Variants in TAFA2 observed in about 807,000 individuals in gnomAD.
The protein encoded by TAFA2 is chemokine-like protein TAFA-2.
TAFA2 carries 7 observed loss-of-function variants against 18.8 expected under a neutral mutation model. The ratio of observed to expected loss-of-function variants is 0.37; its 90% confidence interval spans 0.21 to 0.70. The LOEUF is 0.70. Ranked by LOEUF, TAFA2 falls within the 30% of genes least tolerant of loss-of-function variation. TAFA2 has a pLI of 0.53. For synonymous variants in TAFA2, 60 were observed against 54.2 expected, an observed-to-expected ratio of 1.11 and a Z score of -0.47; for missense variants, 122 against 158.1, an observed-to-expected ratio of 0.77 and a Z score of 1.23.
intron 1 of TAFA2, among the ~76,000 whole-genome samples, chr12:62,054,112 C>A (rs1882125763): frequency 6.6e-6 from 1 of 152,198 alleles, no homozygotes; most frequent in Non-Finnish European, 1.5e-5. Flanking sequence ...CTTCCAGTGA[C>A]TAACAGTGGA....
At chr12:62,032,835 A>T (rs76553537) in intron 1 of TAFA2, among the ~76,000 whole-genome samples, 10,427 of 152,268 alleles carry the variant, frequency 0.068, 459 homozygotes, top group Non-Finnish European at 0.11. Context: ...ATATTTTTCT[A>T]CTTATCTAAA....
chr12:61,938,333 A>C (rs1565688239), intron 1 of TAFA2, among the ~76,000 whole-genome samples: 1 of 151,990 alleles, frequency 6.6e-6, no homozygotes, highest in East Asian at 1.9e-4. Context: ...TTTTTTTAAA[A>C]CCTTTATTTT....
chr12:61,955,665 A>ATATATATATATATT (rs1200280189), intron 1 of TAFA2, among the ~76,000 whole-genome samples: 10 of 120,438 alleles, frequency 8.3e-5, no homozygotes, highest in African/African-American at 3.1e-4. Context: ...ATATATATAT[A>ATATATATATATATT]TATATTTAAT....
intron 1 of TAFA2, among the ~76,000 whole-genome samples, chr12:61,982,075 T>C (rs901047636): frequency 3.9e-5 from 6 of 152,002 alleles, no homozygotes; most frequent in African/African-American, 1.5e-4. Context: ...ATTAAGAAAA[T>C]GTGGCACATA....
chr12:62,132,526 T>A (rs898349477), intron 1 of TAFA2, among the ~76,000 whole-genome samples: 2 of 152,010 alleles, frequency 1.3e-5, no homozygotes, highest in African/African-American at 2.4e-5. Flanking sequence ...TAAATTTTTT[T>A]AATAAATACA....
At chr12:61,753,048 G>A (rs1351308636) in intron 4 of TAFA2, among the ~76,000 whole-genome samples, 5 of 151,710 alleles carry the variant, frequency 3.3e-5, no homozygotes, top group African/African-American at 1.2e-4. Context: ...TTACAAAGCT[G>A]AAATACATCA....
chr12:61,948,815 A>C lies in TAFA2; in HGVS notation c.-1-81389T>G, dbSNP rs1488892600. On this transcript the variant is annotated intron_variant, in intron 1 of 4. Transcript: ENST00000416284. ...AACAACAGTGACACCTCAGCGTCTT[A>C]GCTCTAGAGCCCATGCTCCATTACA... Among the ~76,000 whole-genome samples, 3 of 152,320 alleles carry C rather than the reference A, an allele frequency of 2.0e-5. No homozygotes were observed. In the East Asian group the frequency reaches 5.8e-4, roughly 29 times the overall value.
intron 1 of TAFA2, among the ~76,000 whole-genome samples, chr12:62,178,164 G>T (rs984699108): frequency 6.6e-6 from 1 of 152,128 alleles, no homozygotes; most frequent in Non-Finnish European, 1.5e-5. Context: ...GCCAGGCATG[G>T]TGGTGCAAGT....
chr12:62,236,559 C>G (rs1373613321), intron 1 of TAFA2, among the ~76,000 whole-genome samples: 1 of 152,190 alleles, frequency 6.6e-6, no homozygotes, highest in Non-Finnish European at 1.5e-5. Flanking sequence ...GCCACCGCAC[C>G]CAGCCCAAAT....
intron 1 of TAFA2, among the ~76,000 whole-genome samples, chr12:62,007,861 A>G (rs1880609540): frequency 6.6e-6 from 1 of 152,272 alleles, no homozygotes; most frequent in Non-Finnish European, 1.5e-5. Flanking sequence ...TCTCTCTTCT[A>G]GTTATTTTAA....
At chr12:61,737,321 A>G (rs1421101694) in intron 4 of TAFA2, among the ~76,000 whole-genome samples, 1 of 151,948 alleles carries the variant, frequency 6.6e-6, no homozygotes, top group African/African-American at 2.4e-5. Context: ...TGAAAATTGC[A>G]TATCTTTTTC....
intron 4 of TAFA2, among the ~76,000 whole-genome samples, chr12:61,744,729 T>G (rs1410131109): frequency 1.3e-5 from 2 of 151,994 alleles, no homozygotes; most frequent in South Asian, 4.2e-4. Flanking sequence ...TAATTTTTGT[T>G]TTTTACAGAC....
At chr12:61,734,420 C>G (rs933893429) in intron 4 of TAFA2, among the ~76,000 whole-genome samples, 1 of 149,706 alleles carries the variant, frequency 6.7e-6, no homozygotes, top group Non-Finnish European at 1.5e-5. Flanking sequence ...TACTAAATGA[C>G]GAGTTAATGG....
At chr12:62,090,057 C>A (rs1318168397) in intron 1 of TAFA2, among the ~76,000 whole-genome samples, 2 of 152,034 alleles carry the variant, frequency 1.3e-5, no homozygotes, top group East Asian at 3.9e-4. Flanking sequence ...ATATTGTGAG[C>A]CACACATAGC....
At chr12:61,974,735 A>G (rs1241812868) in intron 1 of TAFA2, among the ~76,000 whole-genome samples, 6 of 151,796 alleles carry the variant, frequency 4.0e-5, no homozygotes, top group African/African-American at 1.4e-4. Context: ...GGACACTACT[A>G]TTTAAATTAT....
chr12:62,106,165 T>C (rs112311462), intron 1 of TAFA2, among the ~76,000 whole-genome samples: 4 of 150,674 alleles, frequency 2.7e-5, no homozygotes, highest in African/African-American at 9.7e-5. Context: ...AAACCCCATC[T>C]CTGCTAAAAA....
intron 1 of TAFA2, among the ~76,000 whole-genome samples, chr12:61,977,961 T>C (rs1879496752): frequency 6.6e-6 from 1 of 152,100 alleles, no homozygotes; most frequent in African/African-American, 2.4e-5. Flanking sequence ...GATTAGGGTT[T>C]TGCCTTCTTT....
At chr12:61,806,280 T>C (rs1056489429) in intron 2 of TAFA2, among the ~76,000 whole-genome samples, 1 of 152,170 alleles carries the variant, frequency 6.6e-6, no homozygotes, top group Non-Finnish European at 1.5e-5. Flanking sequence ...CATACTCTTC[T>C]TGTGATAACT....
At chr12:61,926,981 A>G (rs1814374919) in intron 1 of TAFA2, among the ~76,000 whole-genome samples, 2 of 148,962 alleles carry the variant, frequency 1.3e-5, no homozygotes. Context: ...AGGCTGAGGC[A>G]GGAGAATTGG....
Sources: allele counts gnomAD v4.1 joint callset (sites outside exome capture counted in the v4.1 genomes callset), GRCh38; gene constraint gnomAD v4.1.1; transcripts MANE v1.5; gene names NCBI Gene and HGNC (gene_info 2026-07-23, HGNC 2026-07-21).